The following RNF152 variants were observed in gnomAD, a reference collection of about 807,000 sequenced individuals.
The protein encoded by RNF152 is E3 ubiquitin-protein ligase RNF152.
In RNF152, 11 loss-of-function variants were observed where a neutral mutation model predicts 12.7. The ratio of observed to expected loss-of-function variants is 0.86; its 90% CI spans 0.54 to 1.43. The LOEUF (loss-of-function observed/expected upper bound fraction) is 1.43, where lower values mean the gene tolerates loss of function less well. Ranked by LOEUF, RNF152 falls within the 40% of genes most tolerant of loss-of-function variation. The pLI is 0.00. For missense variants in RNF152, 255 were observed against 274.8 expected, an observed-to-expected ratio of 0.93 and a Z score of 0.51; for synonymous variants, 113 against 120.3, an observed-to-expected ratio of 0.94 and a Z score of 0.40.
intron 1 of RNF152, among the ~76,000 whole-genome samples, chr18:61,820,871 G>T (rs1297277530): frequency 2.0e-5 from 3 of 152,174 alleles, no homozygotes; most frequent in Non-Finnish European, 4.4e-5. Context: ...TCACTAACCA[G>T]CTGTGATACC....
intron 1 of RNF152, among the ~76,000 whole-genome samples, chr18:61,821,010 G>T (rs957784524): frequency 6.6e-6 from 1 of 152,324 alleles, no homozygotes; most frequent in Non-Finnish European, 1.5e-5. Context: ...GTTCAGAGAG[G>T]ACAGTGCTTG....
intron 1 of RNF152, among the ~76,000 whole-genome samples, chr18:61,854,816 T>C (rs907388214): frequency 6.6e-6 from 1 of 152,200 alleles, no homozygotes. Context: ...CTGCCAAGCT[T>C]ATATTTCGCC....
chr18:61,873,118 T>C (rs529759491), intron 1 of RNF152, among the ~76,000 whole-genome samples: 2 of 152,324 alleles, frequency 1.3e-5, no homozygotes, highest in African/African-American at 4.8e-5. Flanking sequence ...TAAAGTTCAC[T>C]GTGCTTTCTG....
intron 1 of RNF152, among the ~76,000 whole-genome samples, chr18:61,844,104 A>AAG (rs1337232742): frequency 6.8e-6 from 1 of 146,788 alleles, no homozygotes; most frequent in Admixed American, 6.8e-5. Flanking sequence ...GAAAGAAAGA[A>AAG]AGAAAGAAAG....
intron 1 of RNF152, among the ~76,000 whole-genome samples, chr18:61,840,813 C>G (rs191683184): frequency 1.0e-3 from 153 of 152,284 alleles, no homozygotes; most frequent in African/African-American, 3.7e-3. Flanking sequence ...TAGCATGTAC[C>G]TTTCTAGGTT....
chr18:61,822,386 C>T (rs1220390425), intron 1 of RNF152, among the ~76,000 whole-genome samples: 1 of 152,114 alleles, frequency 6.6e-6, no homozygotes, highest in Non-Finnish European at 1.5e-5. Flanking sequence ...ATATTTTGTG[C>T]TTTTGAAAGT....
chr18:61,865,522 A>C (rs1231671483), intron 1 of RNF152, among the ~76,000 whole-genome samples: 15 of 152,170 alleles, frequency 9.9e-5, no homozygotes, highest in Admixed American at 9.8e-4. Context: ...CAGCACAAAA[A>C]ACGCAATACT....
chr18:61,810,753 T>C lies in RNF152; in HGVS notation c.*5099A>G, dbSNP rs370387208. 4 of 152,240 alleles carry C rather than the reference T, an allele frequency of 2.6e-5. No homozygotes were observed. The highest frequency in any genetic ancestry group is 9.6e-5 in the African/African-American group (4 of 41,464). The allele number at this position is 152,240 out of a possible 1,614,324, so 9.4% of individuals were successfully genotyped here. A position where few individuals can be genotyped will look rare whatever the true frequency, so the allele number is the denominator to read the frequency against. On this transcript the variant is annotated 3_prime_UTR_variant, in exon 2 of 2. Transcript: ENST00000312828. ...TACTACTTTCAAAACAGCTACTGAA[T>C]TATCTCGACTATCTTATTATTCTCA...
intron 1 of RNF152, among the ~76,000 whole-genome samples, chr18:61,870,729 G>T (rs2072528344): frequency 6.6e-6 from 1 of 152,118 alleles, no homozygotes; most frequent in South Asian, 2.1e-4. Context: ...TTTGGGCCCA[G>T]GAAGAAATGA....
Position 61,881,017 on chromosome 18 carries a change from G to A in RNF152, c.-136+11778C>T, listed in dbSNP as rs147131478. Among the ~76,000 whole-genome samples the A allele has an allele frequency of 5.1e-3, 775 of 150,596 alleles. 6 individuals are homozygous for A. Among genetic ancestry groups the A allele is most frequent in the African/African-American group, 0.018 (746 of 41,174 alleles). On this transcript the variant is annotated intron_variant, in intron 1 of 1. Coordinates refer to ENST00000312828, the MANE Select transcript of RNF152 (RefSeq NM_173557.3). ...CAACCTCCGCCTCTGGGGTTCAAGC[G>A]ATTCTCCCATCTCAGCCTCCCAAGT...
intron 1 of RNF152, among the ~76,000 whole-genome samples, chr18:61,833,292 A>G (rs543183012): frequency 6.6e-6 from 1 of 152,224 alleles, no homozygotes; most frequent in Non-Finnish European, 1.5e-5. Context: ...TATTTCAGAA[A>G]ATAATTCTCT....
At chr18:61,869,759 G>A (rs988162977) in intron 1 of RNF152, among the ~76,000 whole-genome samples, 4 of 152,096 alleles carry the variant, frequency 2.6e-5, no homozygotes, top group African/African-American at 7.2e-5. Flanking sequence ...ACACACGCAC[G>A]CACACACATG....
chr18:61,886,749 G>GAA (rs1912718994), intron 1 of RNF152, among the ~76,000 whole-genome samples: 1 of 152,210 alleles, frequency 6.6e-6, no homozygotes, highest in Non-Finnish European at 1.5e-5. Context: ...AAACAAGCTT[G>GAA]AGTGAATTTC....
chr18:61,819,319 C>G (rs775730144), intron 1 of RNF152, among the ~76,000 whole-genome samples: 1 of 152,138 alleles, frequency 6.6e-6, no homozygotes, highest in Admixed American at 6.5e-5. Context: ...GACTGTGGAC[C>G]GTGGGCAGCC....
chr18:61,865,258 T>C (rs907284479), intron 1 of RNF152, among the ~76,000 whole-genome samples: 3 of 152,196 alleles, frequency 2.0e-5, no homozygotes, highest in Non-Finnish European at 4.4e-5. Flanking sequence ...CAAAATGCCA[T>C]GCCACATTTT....
chr18:61,838,097 A>G (rs1195948552), intron 1 of RNF152, among the ~76,000 whole-genome samples: 1 of 152,186 alleles, frequency 6.6e-6, no homozygotes. Flanking sequence ...CCAAACCCTC[A>G]GCCCTTTATC....
chr18:61,823,196 C>T (rs983754116), intron 1 of RNF152, among the ~76,000 whole-genome samples: 1 of 152,248 alleles, frequency 6.6e-6, no homozygotes, highest in African/African-American at 2.4e-5. Flanking sequence ...CTGAGAATTC[C>T]ATTGGCTCGA....
Position 61,811,743 on chromosome 18 carries a change from T to A in RNF152, c.*4109A>T, listed in dbSNP as rs971491140. The A allele has an allele frequency of 1.3e-5, 2 of 152,340 alleles. No individual in the cohort carries two copies. Among genetic ancestry groups the A allele is most frequent in the African/African-American group, 2.4e-5 (1 of 41,570 alleles). The allele number at this position is 152,340 out of a possible 1,614,324, so 9.4% of individuals were successfully genotyped here. A position where few individuals can be genotyped will look rare whatever the true frequency, so the allele number is the denominator to read the frequency against. On this transcript the variant is annotated 3_prime_UTR_variant, in exon 2 of 2. Coordinates refer to ENST00000312828, the MANE Select transcript of RNF152 (RefSeq NM_173557.3). ...TGAACAGGGATTTCATTAGGCTTTT[T>A]TTTTCCTGTAACATTTACTTTTTGG... is the stretch of plus-strand genomic sequence containing the variant.
chr18:61,811,279 T>A lies in RNF152; in HGVS notation c.*4573A>T, dbSNP rs919764086. On this transcript the variant is annotated 3_prime_UTR_variant, in exon 2 of 2. Transcript: ENST00000312828. ...AAATCAAAATCTAGACTGGAATAAA[T>A]ACCAGATTATCAGTAAGAATCTGGT... 2 of 152,182 alleles carry A rather than the reference T, an allele frequency of 1.3e-5. No individual in the cohort carries two copies. The highest frequency in any genetic ancestry group is 4.8e-5 in the African/African-American group (2 of 41,450). The allele number at this position is 152,182 out of a possible 1,614,324, so 9.4% of individuals were successfully genotyped here. A position where few individuals can be genotyped will look rare whatever the true frequency, so the allele number is the denominator to read the frequency against.
Sources: gnomAD v4.1 joint callset for allele counts (sites outside exome capture counted in the v4.1 genomes callset) on GRCh38, gnomAD v4.1.1 for gene constraint, MANE v1.5 for transcripts, NCBI Gene and HGNC (gene_info 2026-07-23, HGNC 2026-07-21) for gene names.